RIT2: variants seen among roughly 807,000 people sequenced by gnomAD.
RIT2 encodes the protein Ras like without CAAX 2.
RIT2 carries 24 observed loss-of-function variants against 23.7 expected under a neutral mutation model. That is an observed-to-expected ratio of 1.01 (90% CI 0.73 to 1.43). The LOEUF is 1.43. Among genes scored for constraint, RIT2 ranks in the 40% most tolerant of loss-of-function variants. RIT2 has a pLI of 0.00. For missense variants in RIT2, 236 were observed against 266.9 expected (o/e 0.88, Z 0.81); for synonymous variants, 107 against 91.1 (o/e 1.17, Z -0.99).
intron 4 of RIT2, among the ~76,000 whole-genome samples, chr18:42,889,030 C>A (rs1470798686): frequency 2.0e-5 from 3 of 152,016 alleles, no homozygotes; most frequent in African/African-American, 7.2e-5. Context: ...AACAAATCTG[C>A]ACATGTGCCC....
intron 1 of RIT2, among the ~76,000 whole-genome samples, chr18:43,114,727 G>T (rs371577412): frequency 6.6e-6 from 1 of 151,914 alleles, no homozygotes; most frequent in African/African-American, 2.4e-5. Context: ...TGACACTTCC[G>T]TTCTTTATGT....
At chr18:42,957,323 T>C (rs1909995372) in intron 3 of RIT2, among the ~76,000 whole-genome samples, 1 of 152,138 alleles carries the variant, frequency 6.6e-6, no homozygotes, top group African/African-American at 2.4e-5. Context: ...TCTATAAGAA[T>C]TCAGAATTAT....
intron 2 of RIT2, among the ~76,000 whole-genome samples, chr18:43,012,608 C>A (rs143565385): frequency 6.6e-6 from 1 of 151,442 alleles, no homozygotes; most frequent in East Asian, 2.0e-4. Flanking sequence ...TCTTTTCATA[C>A]TCTATGCTCA....
intron 3 of RIT2, among the ~76,000 whole-genome samples, chr18:42,926,603 A>G (rs1909186645): frequency 1.3e-5 from 2 of 151,992 alleles, no homozygotes; most frequent in Admixed American, 1.3e-4. Flanking sequence ...AGCAAATTAC[A>G]GAAGGCAACA....
chr18:43,041,935 A>G lies in RIT2; in HGVS notation c.104-8068T>C, dbSNP rs182981530. 3.3e-5 allele frequency among the ~76,000 whole-genome samples: 5 copies of G among 152,220 alleles called. No individual in the cohort carries two copies. The East Asian group carries it at 9.6e-4, about 29-fold the overall frequency. Reference sequence around the variant, plus strand: ...GGGGTTATTTCCTACAAAATAATATATATATATAGCATAAGATCATATAAC... The same window carrying G: ...GGGGTTATTTCCTACAAAATAATATGTATATATAGCATAAGATCATATAAC... On this transcript the variant is annotated intron_variant, in intron 1 of 4. Transcript: ENST00000326695.
chr18:42,980,743 C>T (rs931847617), intron 2 of RIT2, among the ~76,000 whole-genome samples: 1 of 152,098 alleles, frequency 6.6e-6, no homozygotes, highest in African/African-American at 2.4e-5. Flanking sequence ...ACACAGAACC[C>T]TACCTGGAGA....
intron 4 of RIT2, among the ~76,000 whole-genome samples, chr18:42,744,475 A>G (rs1264177967): frequency 6.6e-6 from 1 of 152,258 alleles, no homozygotes; most frequent in Non-Finnish European, 1.5e-5. Context: ...AAAGCAATAT[A>G]GCAAAGTGGT....
chr18:42,815,747 C>T (rs1266002743), intron 4 of RIT2, among the ~76,000 whole-genome samples: 7 of 152,048 alleles, frequency 4.6e-5, no homozygotes, highest in African/African-American at 7.2e-5. Context: ...AGGGGGGAAA[C>T]GTACTTTTTA....
intron 1 of RIT2, among the ~76,000 whole-genome samples, chr18:43,094,047 T>C (rs1182282524): frequency 1.3e-5 from 2 of 150,764 alleles, no homozygotes; most frequent in Non-Finnish European, 3.0e-5. Flanking sequence ...TTACTTTTAG[T>C]AAATATTTAA....
intron 1 of RIT2, among the ~76,000 whole-genome samples, chr18:43,082,243 C>A (rs1913174534): frequency 6.6e-6 from 1 of 152,086 alleles, no homozygotes; most frequent in African/African-American, 2.4e-5. Context: ...GGTGATATCC[C>A]ATTTATCATT....
intron 2 of RIT2, among the ~76,000 whole-genome samples, chr18:43,024,676 C>T (rs1396759094): frequency 6.6e-6 from 1 of 151,652 alleles, no homozygotes; most frequent in Non-Finnish European, 1.5e-5. Flanking sequence ...CAACAAAGGG[C>T]TAATATCCAG....
At chr18:43,099,453 T>G (rs1042573265) in intron 1 of RIT2, among the ~76,000 whole-genome samples, 1 of 152,102 alleles carries the variant, frequency 6.6e-6, no homozygotes. Flanking sequence ...TGTCAGTCAT[T>G]TTATTAATAT....
chr18:43,057,797 A>AATTTTTTTTTTTT (rs1306990856), intron 1 of RIT2, among the ~76,000 whole-genome samples: 1 of 85,026 alleles, frequency 1.2e-5, no homozygotes, highest in East Asian at 3.1e-4. Context: ...AGTGATGGAC[A>AATTTTTTTTTTTT]CTTTTTTTTT....
intron 4 of RIT2, among the ~76,000 whole-genome samples, chr18:42,791,844 A>T (rs970583278): frequency 6.6e-6 from 1 of 152,178 alleles, no homozygotes; most frequent in Admixed American, 6.5e-5. Flanking sequence ...TTTCAGGGGC[A>T]CTTATTTGAC....
chr18:43,050,356 A>G lies in RIT2; in HGVS notation c.104-16489T>C, dbSNP rs1251663564. Among the ~76,000 whole-genome samples the G allele has an allele frequency of 2.6e-5, 4 of 152,058 alleles. No individual in the cohort carries two copies. In the East Asian group the frequency reaches 7.8e-4, roughly 30 times the overall value. ...GAATTGATTTTTGAAAATAAAATCT[A>G]CCAGCAAAAATGAAGGAACAGATAT... is the stretch of plus-strand genomic sequence containing the variant. On this transcript the variant is annotated intron_variant, in intron 1 of 4. Coordinates refer to ENST00000326695, the MANE Select transcript of RIT2 (RefSeq NM_002930.4).
At chr18:42,819,336 C>T (rs944920171) in intron 4 of RIT2, among the ~76,000 whole-genome samples, 2 of 151,956 alleles carry the variant, frequency 1.3e-5, no homozygotes, top group African/African-American at 4.8e-5. Context: ...TTAAAATCAC[C>T]AGAGATTTGG....
In RIT2 at chr18:42,811,182, C is replaced by A. The variant is rs188651260; in HGVS notation, c.427-67462G>T. On this transcript the variant is annotated intron_variant, in intron 4 of 4. Coordinates refer to ENST00000326695, the MANE Select transcript of RIT2 (RefSeq NM_002930.4). Reference sequence around the variant, plus strand: ...TTAGGCTGCAGACCAAATAAAAGATCTAGAAAGAGATGATTACCACAGACT... The same window carrying A: ...TTAGGCTGCAGACCAAATAAAAGATATAGAAAGAGATGATTACCACAGACT... Among the ~76,000 whole-genome samples the A allele has an allele frequency of 2.5e-4, 38 of 152,112 alleles. 1 individual carries two copies. Among genetic ancestry groups the A allele is most frequent in the Admixed American group, 2.3e-3 (35 of 15,270 alleles).
At chr18:42,986,783 A>C (rs149802679) in intron 2 of RIT2, among the ~76,000 whole-genome samples, 86 of 151,762 alleles carry the variant, frequency 5.7e-4, no homozygotes, top group African/African-American at 2.0e-3. Context: ...ATTACACGGT[A>C]AGCCACCGAG....
At chr18:43,101,028 TTCTG>T (rs1240138015) in intron 1 of RIT2, among the ~76,000 whole-genome samples, 4 of 151,838 alleles carry the variant, frequency 2.6e-5, no homozygotes, top group African/African-American at 4.8e-5. Flanking sequence ...TATATATATT[TTCTG>T]TCTGTGTATA....
Sources: gnomAD v4.1 joint callset for allele counts (sites outside exome capture counted in the v4.1 genomes callset) on GRCh38, gnomAD v4.1.1 for gene constraint, MANE v1.5 for transcripts, NCBI Gene and HGNC (gene_info 2026-07-23, HGNC 2026-07-21) for gene names.